DPF3: variants seen among roughly 807,000 people sequenced by gnomAD.
DPF3 encodes zinc finger protein DPF3.
A neutral mutation model predicts 56.8 loss-of-function variants in DPF3; 18 were observed. The observed-to-expected ratio is 0.32, with a 90% CI of 0.22 to 0.47. DPF3 has a LOEUF of 0.47. DPF3 is among the 20% of genes least tolerant of loss of function. The pLI is 1.00. For synonymous variants in DPF3, 188 were observed against 180.2 expected, an observed-to-expected ratio of 1.04 and a Z score of -0.35; for missense variants, 403 against 488.8, an observed-to-expected ratio of 0.82 and a Z score of 1.65.
chr14:72,750,791 CAAAAA>C (rs35754238), intron 3 of DPF3, among the ~76,000 whole-genome samples: 11 of 65,952 alleles, frequency 1.7e-4, no homozygotes, highest in Admixed American at 1.1e-3. Context: ...GAAAGAATCT[CAAAAA>C]AAAAAAAAAA....
chr14:72,798,789 C>T (rs919489131), intron 1 of DPF3, among the ~76,000 whole-genome samples: 7 of 152,176 alleles, frequency 4.6e-5, no homozygotes, highest in South Asian at 2.1e-4. Flanking sequence ...AGCTGAGCTC[C>T]GAGCCCAGGT....
At chr14:72,801,699 A>G (rs1053051339) in intron 1 of DPF3, among the ~76,000 whole-genome samples, 2 of 152,156 alleles carry the variant, frequency 1.3e-5, no homozygotes, top group Non-Finnish European at 2.9e-5. Context: ...ATGGGTGTCC[A>G]GTGGCGACAG....
rs951258130 is a variant in DPF3 at position 72,662,061 on chromosome 14, A to G, written c.871+12179T>C. 1,381 of 985,040 alleles carry G rather than the reference A, an allele frequency of 1.4e-3. 1 individual carries two copies. Among genetic ancestry groups the G allele is most frequent in the Non-Finnish European group, 1.5e-3 (1,284 of 829,866 alleles). The allele number at this position is 985,040 out of a possible 1,614,324, so 61.0% of individuals were successfully genotyped here. ...GGTGAGGGGGCAATGAGGGTGGGGG[A>G]AACTGCTGATTTGTGGCTAAGTTAT... On this transcript the variant is annotated intron_variant, in intron 8 of 10. Transcript: ENST00000556509.
At chr14:72,892,094 C>A in intron 1 of DPF3, 2 of 1,495,518 alleles carry the variant, frequency 1.3e-6, no homozygotes, top group Non-Finnish European at 1.8e-6. Flanking sequence ...CCCGCCCGCG[C>A]GAAAGCGGGC....
intron 1 of DPF3, among the ~76,000 whole-genome samples, chr14:72,881,595 T>C (rs1030340275): frequency 3.3e-5 from 5 of 152,050 alleles, no homozygotes; most frequent in Non-Finnish European, 7.4e-5. Context: ...GAAGAACAAA[T>C]GCGGATGTCA....
At chr14:72,888,571 C>G (rs565939957) in intron 1 of DPF3, among the ~76,000 whole-genome samples, 9 of 152,360 alleles carry the variant, frequency 5.9e-5, no homozygotes, top group African/African-American at 1.9e-4. Flanking sequence ...CAACAACAAT[C>G]TTTGCAGAGT....
intron 3 of DPF3, among the ~76,000 whole-genome samples, chr14:72,750,350 T>G (rs1475069483): frequency 6.6e-6 from 1 of 152,124 alleles, no homozygotes; most frequent in Admixed American, 6.5e-5. Flanking sequence ...GTGCTAAAAG[T>G]CTTTGCTTCT....
chr14:72,842,656 A>T (rs1412883061), intron 1 of DPF3, among the ~76,000 whole-genome samples: 1 of 152,202 alleles, frequency 6.6e-6, no homozygotes, highest in African/African-American at 2.4e-5. Flanking sequence ...GGTGGTGAAC[A>T]TATGTGCACT....
intron 5 of DPF3, 132 bp downstream of exon 5, chr14:72,723,501 G>GT: frequency 1.2e-6 from 1 of 809,392 alleles, no homozygotes; most frequent in South Asian, 2.1e-5. Context: ...CTCTTCTGGA[G>GT]TTTTCTCCTT....
chr14:72,691,294 A>G (rs563423620), intron 7 of DPF3, among the ~76,000 whole-genome samples: 4 of 152,282 alleles, frequency 2.6e-5, no homozygotes, highest in South Asian at 2.1e-4. Flanking sequence ...CCAAATTCCT[A>G]TGTTGAAAGC....
intron 1 of DPF3, among the ~76,000 whole-genome samples, chr14:72,804,638 A>G (rs192334417): frequency 6.6e-6 from 1 of 152,216 alleles, no homozygotes; most frequent in East Asian, 1.9e-4. Context: ...TTTTTTCCCA[A>G]TAAGGAGGCA....
At chr14:72,760,408 C>T (rs567991849) in intron 2 of DPF3, among the ~76,000 whole-genome samples, 4 of 152,138 alleles carry the variant, frequency 2.6e-5, no homozygotes, top group African/African-American at 7.2e-5. Context: ...TTATAAGAAC[C>T]CTTGTGATTA....
At chr14:72,865,011 T>C (rs1428789315) in intron 1 of DPF3, among the ~76,000 whole-genome samples, 1 of 152,154 alleles carries the variant, frequency 6.6e-6, no homozygotes, top group East Asian at 1.9e-4. Flanking sequence ...TAGATGACAG[T>C]GAACTCCAAG....
At chr14:72,703,685 G>A (rs187603176) in intron 6 of DPF3, among the ~76,000 whole-genome samples, 25 of 152,262 alleles carry the variant, frequency 1.6e-4, no homozygotes, top group Non-Finnish European at 1.2e-4. Flanking sequence ...CGGTTTCCTC[G>A]TCTGTAAAAC....
chr14:72,836,931 G>A (rs767224785), intron 1 of DPF3, among the ~76,000 whole-genome samples: 3 of 152,054 alleles, frequency 2.0e-5, no homozygotes, highest in South Asian at 2.1e-4. Context: ...GTGCACTGGC[G>A]CAATCTCAGC....
At chr14:72,772,857 G>C (rs1891591670) in intron 1 of DPF3, among the ~76,000 whole-genome samples, 1 of 152,132 alleles carries the variant, frequency 6.6e-6, no homozygotes, top group South Asian at 2.1e-4. Context: ...ACTTATGCCA[G>C]GTAAATTCAA....
At chr14:72,804,402 G>T (rs1286071305) in intron 1 of DPF3, among the ~76,000 whole-genome samples, 1 of 152,114 alleles carries the variant, frequency 6.6e-6, no homozygotes, top group African/African-American at 2.4e-5. Flanking sequence ...TGGAATACTG[G>T]ATACCACCCC....
At chr14:72,723,928 T>G (rs1889288351) in intron 4 of DPF3, 200 bp from the exon 5 acceptor site, 11 of 517,726 alleles carry the variant, frequency 2.1e-5, no homozygotes, top group Non-Finnish European at 3.6e-5. Context: ...CCTAAGCCCT[T>G]GGGCCCCTTC....
At chr14:72,739,329 C>A (rs943115848) in intron 3 of DPF3, among the ~76,000 whole-genome samples, 1 of 152,102 alleles carries the variant, frequency 6.6e-6, no homozygotes, top group Non-Finnish European at 1.5e-5. Flanking sequence ...AGCTCCATTA[C>A]CCTAAAGCAC....
Sources: allele counts gnomAD v4.1 joint callset (sites outside exome capture counted in the v4.1 genomes callset), GRCh38; gene constraint gnomAD v4.1.1; transcripts MANE v1.5; gene names NCBI Gene and HGNC (gene_info 2026-07-23, HGNC 2026-07-21).